The following DOCK4 variants were observed in gnomAD, a reference collection of about 807,000 sequenced individuals.
The protein encoded by DOCK4 is dedicator of cytokinesis protein 4.
DOCK4 carries 97 observed loss-of-function variants against 268.1 expected under a neutral mutation model. The observed-to-expected ratio is 0.36, with a 90% confidence interval of 0.31 to 0.43. DOCK4 has a LOEUF of 0.43. Among genes scored for constraint, DOCK4 ranks in the 20% least tolerant of loss-of-function variants. The probability of loss-of-function intolerance (pLI) is 1.00; values close to 1 mark genes in which losing one functional copy is unlikely to be tolerated. For missense variants in DOCK4, 2,145 were observed against 2,455.7 expected, an observed-to-expected ratio of 0.87 and a Z score of 2.67; for synonymous variants, 954 against 887.2, an observed-to-expected ratio of 1.08 and a Z score of -1.34.
intron 1 of DOCK4, among the ~76,000 whole-genome samples, chr7:112,089,973 G>C (rs1468886453): frequency 6.6e-6 from 1 of 152,118 alleles, no homozygotes; most frequent in African/African-American, 2.4e-5. Flanking sequence ...TTGAAAGCTG[G>C]CATCAGTTTT....
At chr7:112,041,483 C>T (rs1039823425) in intron 1 of DOCK4, among the ~76,000 whole-genome samples, 2 of 152,076 alleles carry the variant, frequency 1.3e-5, no homozygotes, top group African/African-American at 4.8e-5. Flanking sequence ...CTCACCATTC[C>T]ATGGATAAAA....
At chr7:112,149,303 T>C (rs1215750526) in intron 1 of DOCK4, among the ~76,000 whole-genome samples, 1 of 152,074 alleles carries the variant, frequency 6.6e-6, no homozygotes, top group Non-Finnish European at 1.5e-5. Context: ...AAACAGCCCA[T>C]AGGCTGACAT....
chr7:112,023,590 C>T (rs868840659), intron 1 of DOCK4: 1 of 442,506 alleles, frequency 2.3e-6, no homozygotes, highest in Middle Eastern at 3.4e-4. Context: ...AGCCTTTCTA[C>T]TATTTTTTAA....
chr7:112,021,817 C>G (rs1254684311), intron 1 of DOCK4, among the ~76,000 whole-genome samples: 3 of 152,154 alleles, frequency 2.0e-5, no homozygotes, highest in Non-Finnish European at 4.4e-5. Context: ...TCTACGGGTT[C>G]TTCCAGAGTT....
At chr7:112,028,579 T>C in intron 1 of DOCK4, among the ~76,000 whole-genome samples, 1 of 152,206 alleles carries the variant, frequency 6.6e-6, no homozygotes, top group Non-Finnish European at 1.5e-5. Flanking sequence ...CTAGTCTCTT[T>C]AAGAATTAGC....
chr7:111,809,247 CTAAA>C, intron 29 of DOCK4, 50 bp downstream of exon 29: 1 of 1,348,952 alleles, frequency 7.4e-7, no homozygotes, highest in Non-Finnish European at 1.0e-6. Flanking sequence ...ATCATTTGAA[CTAAA>C]TACTCTTTAA....
chr7:111,996,156 G>GC (rs1261982892), intron 4 of DOCK4, among the ~76,000 whole-genome samples: 1 of 152,124 alleles, frequency 6.6e-6, no homozygotes, highest in African/African-American at 2.4e-5. Flanking sequence ...TACAGAAGTG[G>GC]CCTCCCTGTC....
At chr7:111,970,639 T>G (rs920608877) in intron 8 of DOCK4, among the ~76,000 whole-genome samples, 2 of 152,212 alleles carry the variant, frequency 1.3e-5, no homozygotes, top group African/African-American at 4.8e-5. Context: ...ACTCGTTTTA[T>G]AAAACTAATA....
chr7:111,774,855 C>A (rs1030607592), intron 36 of DOCK4, among the ~76,000 whole-genome samples: 14 of 152,220 alleles, frequency 9.2e-5, no homozygotes, highest in African/African-American at 3.4e-4. Context: ...TTTGTCTCCA[C>A]TACCCAGTTC....
At chr7:111,837,794 A>T (rs1281525674) in intron 25 of DOCK4, among the ~76,000 whole-genome samples, 2 of 152,138 alleles carry the variant, frequency 1.3e-5, no homozygotes, top group African/African-American at 4.8e-5. Flanking sequence ...TATTGTTAAG[A>T]TGTCAATTTT....
At chr7:111,733,347 T>C (rs1004070111) in intron 51 of DOCK4, among the ~76,000 whole-genome samples, 5 of 152,190 alleles carry the variant, frequency 3.3e-5, no homozygotes, top group South Asian at 2.1e-4. Context: ...GTGCTCTGGG[T>C]CCTAAGGGGT....
chr7:112,018,472 AG>A (rs1282163688), intron 1 of DOCK4, among the ~76,000 whole-genome samples: 1 of 152,162 alleles, frequency 6.6e-6, no homozygotes, highest in Non-Finnish European at 1.5e-5. Flanking sequence ...GGGTTTTTAG[AG>A]GGCACCAGGT....
intron 1 of DOCK4, among the ~76,000 whole-genome samples, chr7:112,029,434 C>T (rs1803085763): frequency 6.6e-6 from 1 of 152,134 alleles, no homozygotes; most frequent in Non-Finnish European, 1.5e-5. Context: ...TCCTAAACAG[C>T]CTCAAAGGGA....
chr7:111,985,853 C>T (rs543094796), intron 6 of DOCK4, among the ~76,000 whole-genome samples: 5 of 152,272 alleles, frequency 3.3e-5, no homozygotes, highest in South Asian at 4.2e-4. Context: ...ATTCTCCATT[C>T]CCTTCTGAAA....
chr7:112,055,548 A>G (rs548956371), intron 1 of DOCK4, among the ~76,000 whole-genome samples: 1 of 152,316 alleles, frequency 6.6e-6, no homozygotes, highest in Non-Finnish European at 1.5e-5. Context: ...TCATAAGCAG[A>G]CAACAATGAA....
In DOCK4 at chr7:112,046,842, C is replaced by A. The variant is rs577767991; in HGVS notation, c.38-42711G>T. ...GAGCACTGGAGGAACCAAAATAGAG[C>A]CCATCCAACTCCCTGAGCTGAGAGA... is the stretch of plus-strand genomic sequence containing the variant. On this transcript the variant is annotated intron_variant, in intron 1 of 52. Coordinates refer to ENST00000428084, the MANE Select transcript of DOCK4 (RefSeq NM_001363540.2). 1.3e-3 allele frequency among the ~76,000 whole-genome samples: 196 copies of A among 152,210 alleles called. 1 individual carries two copies. The highest frequency in any genetic ancestry group is 4.6e-3 in the African/African-American group (193 of 41,516).
At position 111,973,706 on chromosome 7, in the gene DOCK4, T is replaced by C. The variant is rs558338570; in HGVS notation, c.701+3426A>G. Among the ~76,000 whole-genome samples, 35 of 151,970 alleles carry C rather than the reference T, an allele frequency of 2.3e-4. 2 individuals are homozygous for C. The South Asian group carries it at 7.1e-3, about 31-fold the overall frequency. ...TTTTTTTTTACATTTGAAAATGTTATGAGGTCAGGAATTTGCTTCAAAATA... is the reference window on the plus strand; with the variant it reads ...TTTTTTTTTACATTTGAAAATGTTACGAGGTCAGGAATTTGCTTCAAAATA... On this transcript the variant is annotated intron_variant, in intron 8 of 52. Transcript: ENST00000428084.
At chr7:111,877,330 C>G (rs998348204) in intron 16 of DOCK4, 144 bp from the exon 17 acceptor site, 2 of 715,484 alleles carry the variant, frequency 2.8e-6, no homozygotes, top group African/African-American at 3.7e-5. Flanking sequence ...AAATAAAATG[C>G]AAAAAAACTG....
At chr7:112,162,719 T>C (rs746320203) in intron 1 of DOCK4, among the ~76,000 whole-genome samples, 1 of 152,298 alleles carries the variant, frequency 6.6e-6, no homozygotes, top group African/African-American at 2.4e-5. Flanking sequence ...GTTCACACAA[T>C]GTACAAAGTT....
Sources: allele counts gnomAD v4.1 joint callset (sites outside exome capture counted in the v4.1 genomes callset), GRCh38; gene constraint gnomAD v4.1.1; transcripts MANE v1.5; gene names NCBI Gene and HGNC (gene_info 2026-07-23, HGNC 2026-07-21).